The following NECAB1 variants were observed in gnomAD, a reference collection of about 807,000 sequenced individuals.
The protein encoded by NECAB1 is N-terminal EF-hand calcium-binding protein 1.
In NECAB1, 29 loss-of-function variants were observed where a neutral mutation model predicts 57.5. The observed-to-expected ratio is 0.50, with a 90% confidence interval of 0.38 to 0.69. The LOEUF is 0.69. Ranked by LOEUF, NECAB1 falls within the 30% of genes least tolerant of loss-of-function variation. The pLI, the probability that NECAB1 is intolerant of heterozygous loss-of-function variation, is 0.00. For missense variants in NECAB1, 372 were observed against 413.8 expected (o/e 0.90, Z 0.88); for synonymous variants, 142 against 147.7 (o/e 0.96, Z 0.28).
At chr8:90,952,731 T>G (rs945597633) in intron 12 of NECAB1, among the ~76,000 whole-genome samples, 1 of 151,610 alleles carries the variant, frequency 6.6e-6, no homozygotes, top group African/African-American at 2.4e-5. Context: ...TGAGCCAAGA[T>G]CGCACCACTG....
In NECAB1 at chr8:90,955,603, C is replaced by A; in HGVS notation, c.*91C>A. Reference sequence around the variant, plus strand: ...TAGAAAATTATCTGCGGTTGTTAATCTACTGTATATTTTTGTTTGGTATAT... The same window carrying A: ...TAGAAAATTATCTGCGGTTGTTAATATACTGTATATTTTTGTTTGGTATAT... On this transcript the variant is annotated 3_prime_UTR_variant, in exon 13 of 13. Transcript: ENST00000417640. 2 of 967,210 alleles carry A rather than the reference C, an allele frequency of 2.1e-6. No homozygotes were observed. The highest frequency in any genetic ancestry group is 2.8e-5 in the East Asian group (1 of 35,508). The allele number at this position is 967,210 out of a possible 1,614,324, so 59.9% of individuals were successfully genotyped here. A position where few individuals can be genotyped will look rare whatever the true frequency, so the allele number is the denominator to read the frequency against.
At chr8:90,797,876 G>C (rs1245297627) in intron 1 of NECAB1, among the ~76,000 whole-genome samples, 1 of 152,152 alleles carries the variant, frequency 6.6e-6, no homozygotes, top group Non-Finnish European at 1.5e-5. Flanking sequence ...GTTTCCCTAA[G>C]TCTCTGAAAA....
chr8:90,847,067 C>G (rs889680381), intron 3 of NECAB1, among the ~76,000 whole-genome samples: 25 of 152,182 alleles, frequency 1.6e-4, no homozygotes, highest in African/African-American at 6.0e-4. Flanking sequence ...AAGCTCAAGT[C>G]CAAAGTCTCA....
chr8:90,939,835 T>C (rs1262223608), intron 9 of NECAB1, among the ~76,000 whole-genome samples: 1 of 152,212 alleles, frequency 6.6e-6, no homozygotes, highest in African/African-American at 2.4e-5. Flanking sequence ...GAGAAACCCA[T>C]TGGAATAGAA....
Position 90,931,187 on chromosome 8 carries a change from G to A in NECAB1, c.693+2888G>A, listed in dbSNP as rs193283470. On this transcript the variant is annotated intron_variant, in intron 8 of 12. Transcript: ENST00000417640. ...TGGGGCTCCAGCTGTGTGGAGCTCA[G>A]TGTGAGCTGTCTTAATGAATGGAGA... Among the ~76,000 whole-genome samples the A allele has an allele frequency of 2.7e-4, 41 of 152,316 alleles. No homozygotes were observed. The East Asian group carries it at 7.3e-3, about 27-fold the overall frequency.
At chr8:90,827,826 AT>A (rs1812248392) in intron 3 of NECAB1, among the ~76,000 whole-genome samples, 1 of 152,004 alleles carries the variant, frequency 6.6e-6, no homozygotes, top group South Asian at 2.1e-4. Flanking sequence ...AATTAAGTAC[AT>A]TATTCCTCAT....
chr8:90,928,396 G>C (rs1176765517), intron 8 of NECAB1, 97 bp downstream of exon 8: 1 of 827,016 alleles, frequency 1.2e-6, no homozygotes, highest in East Asian at 2.9e-5. Context: ...CCCATAGATA[G>C]AATAACAGCC....
At chr8:90,847,004 G>A (rs566896074) in intron 3 of NECAB1, among the ~76,000 whole-genome samples, 12 of 152,152 alleles carry the variant, frequency 7.9e-5, no homozygotes, top group Admixed American at 5.9e-4. Flanking sequence ...AAAACACAAT[G>A]GTACCCTTCC....
intron 3 of NECAB1, among the ~76,000 whole-genome samples, chr8:90,860,376 C>A (rs2129807482): frequency 6.6e-6 from 1 of 151,824 alleles, no homozygotes. Context: ...ATTTATAGAG[C>A]TCTAAAAATG....
At chr8:90,816,796 G>C (rs1298081268) in intron 2 of NECAB1, among the ~76,000 whole-genome samples, 4 of 151,642 alleles carry the variant, frequency 2.6e-5, no homozygotes, top group African/African-American at 9.7e-5. Flanking sequence ...CTTCAGTATT[G>C]TGTTTCCTAT....
At chr8:90,872,278 C>T (rs980566245) in intron 4 of NECAB1, 125 bp downstream of exon 4, 5 of 745,496 alleles carry the variant, frequency 6.7e-6, no homozygotes, top group Middle Eastern at 2.4e-4. Context: ...AAAAATTAAT[C>T]GAGATCTCAA....
rs565635001 is a variant in NECAB1 at position 90,943,982 on chromosome 8, G to A, written c.860+3084G>A. ...GCCCTGGCTGGTCTTGAACCCCCAGGCTCAAGCGATCCTCTTGCCTTGGCC... is the reference window on the plus strand; with the variant it reads ...GCCCTGGCTGGTCTTGAACCCCCAGACTCAAGCGATCCTCTTGCCTTGGCC... On this transcript the variant is annotated intron_variant, in intron 10 of 12. Coordinates refer to ENST00000417640, the MANE Select transcript of NECAB1 (RefSeq NM_022351.5). Among the ~76,000 whole-genome samples the A allele has an allele frequency of 1.9e-3, 287 of 152,184 alleles. 2 individuals carry two copies. Among genetic ancestry groups the A allele is most frequent in the African/African-American group, 6.4e-3 (264 of 41,520 alleles).
At chr8:90,812,388 C>T (rs1443643487) in intron 2 of NECAB1, among the ~76,000 whole-genome samples, 4 of 152,122 alleles carry the variant, frequency 2.6e-5, no homozygotes, top group Admixed American at 6.5e-5. Flanking sequence ...TTCTCCTAGG[C>T]TCACATAAAA....
intron 5 of NECAB1, among the ~76,000 whole-genome samples, chr8:90,914,173 A>G (rs1309039698): frequency 1.3e-5 from 2 of 152,220 alleles, no homozygotes; most frequent in African/African-American, 4.8e-5. Flanking sequence ...GCAGAGATGA[A>G]TAAGACATAA....
rs1330316048 is a variant in NECAB1 at position 90,793,056 on chromosome 8, T to C, written c.99+1071T>C. Among the ~76,000 whole-genome samples, 3 of 152,328 alleles carry C rather than the reference T, an allele frequency of 2.0e-5. No homozygotes were observed. In the East Asian group the frequency reaches 5.8e-4, roughly 29 times the overall value. On this transcript the variant is annotated intron_variant, in intron 1 of 12. Coordinates refer to ENST00000417640, the MANE Select transcript of NECAB1 (RefSeq NM_022351.5). ...GTCCTTTACCCTTCTCTGAGTTATC[T>C]TTTCTTATTAAAGTCAAAATGAGTG...
At chr8:90,846,969 C>T (rs1812574979) in intron 3 of NECAB1, among the ~76,000 whole-genome samples, 1 of 152,124 alleles carries the variant, frequency 6.6e-6, no homozygotes, top group Non-Finnish European at 1.5e-5. Flanking sequence ...CCTGGCCCCT[C>T]TCAAATCTAA....
chr8:90,877,047 C>G (rs1808741082), intron 4 of NECAB1, among the ~76,000 whole-genome samples: 1 of 152,230 alleles, frequency 6.6e-6, no homozygotes, highest in African/African-American at 2.4e-5. Context: ...GCCCTACTCA[C>G]ACTGGTATTG....
At position 90,934,820 on chromosome 8, in the gene NECAB1, G is replaced by A. The variant is rs549580245; in HGVS notation, c.747+463G>A. The stretch of plus-strand genomic sequence containing the variant: ...TCAAAGAATAAATTGATGCAAAAGG[G>A]AACATTTGTATCCCTAGGGACAAGA... On this transcript the variant is annotated intron_variant, in intron 9 of 12. Transcript: ENST00000417640. Among the ~76,000 whole-genome samples, 3 of 152,196 alleles carry A rather than the reference G, an allele frequency of 2.0e-5. No individual in the cohort carries two copies. In the East Asian group the frequency reaches 5.8e-4, roughly 29 times the overall value.
chr8:90,895,178 G>A (rs1809293338), intron 5 of NECAB1, among the ~76,000 whole-genome samples: 1 of 152,144 alleles, frequency 6.6e-6, no homozygotes, highest in Admixed American at 6.5e-5. Flanking sequence ...AACTAAAAGG[G>A]AAGCACAGCA....
Sources: gnomAD v4.1 joint callset for allele counts (sites outside exome capture counted in the v4.1 genomes callset) on GRCh38, gnomAD v4.1.1 for gene constraint, MANE v1.5 for transcripts, NCBI Gene and HGNC (gene_info 2026-07-23, HGNC 2026-07-21) for gene names.